The following SGCE variants were observed in gnomAD, a reference collection of about 807,000 sequenced individuals.
SGCE encodes sarcoglycan epsilon.
SGCE carries 26 observed loss-of-function variants against 57.8 expected under a neutral mutation model. The ratio of observed to expected loss-of-function variants is 0.45; its 90% CI spans 0.33 to 0.62. The LOEUF (loss-of-function observed/expected upper bound fraction) is 0.62, where lower values mean the gene tolerates loss of function less well. Among genes scored for constraint, SGCE ranks in the 20% least tolerant of loss-of-function variants. The probability of loss-of-function intolerance (pLI) is 0.02; values close to 1 mark genes in which losing one functional copy is unlikely to be tolerated. For missense variants in SGCE, 468 were observed against 548.6 expected (o/e 0.85, Z 1.47); for synonymous variants, 183 against 189.5 (o/e 0.97, Z 0.28).
chr7:94,600,523 A>C (rs1264364261), intron 7 of SGCE, 123 bp downstream of exon 7: 1 of 716,350 alleles, frequency 1.4e-6, no homozygotes, highest in East Asian at 2.7e-5. Flanking sequence ...TGCAGTTTGG[A>C]CACAATTTCA....
chr7:94,635,724 T>C (rs1281961045), intron 1 of SGCE, among the ~76,000 whole-genome samples: 2 of 152,234 alleles, frequency 1.3e-5, no homozygotes, highest in East Asian at 3.8e-4. Flanking sequence ...TAGAGAAATA[T>C]TTTAAGAGAG....
At chr7:94,607,841 T>G (rs772543176) in intron 5 of SGCE, among the ~76,000 whole-genome samples, 2 of 152,220 alleles carry the variant, frequency 1.3e-5, no homozygotes, top group Non-Finnish European at 2.9e-5. Context: ...AATACTGTCT[T>G]TCTTTGCAGA....
At chr7:94,655,701 G>A (rs1260371012) in intron 1 of SGCE, among the ~76,000 whole-genome samples, 1 of 151,910 alleles carries the variant, frequency 6.6e-6, no homozygotes, top group Non-Finnish European at 1.5e-5. Flanking sequence ...GCGGGGAGGG[G>A]GATGTTGGGA....
chr7:94,615,479 A>T (rs1801789613), intron 5 of SGCE, among the ~76,000 whole-genome samples: 1 of 152,154 alleles, frequency 6.6e-6, no homozygotes, highest in Admixed American at 6.5e-5. Context: ...CTCTACTGAA[A>T]TTGGCCCAGG....
intron 1 of SGCE, among the ~76,000 whole-genome samples, chr7:94,654,835 GTT>G (rs1236778437): frequency 1.3e-5 from 2 of 152,188 alleles, no homozygotes; most frequent in Non-Finnish European, 2.9e-5. Flanking sequence ...TTTCATCTGT[GTT>G]TCAGAAACCT....
intron 9 of SGCE, chr7:94,598,441 T>C (rs1402026754): frequency 3.8e-6 from 1 of 260,262 alleles, no homozygotes; most frequent in Non-Finnish European, 7.5e-6. Flanking sequence ...CTAAAAATAA[T>C]CAATTTGAAA....
chr7:94,648,835 T>C (rs80010540), intron 1 of SGCE, among the ~76,000 whole-genome samples: 1,809 of 152,358 alleles, frequency 0.012, 35 homozygotes, highest in African/African-American at 0.041. Context: ...CTTCCATGCA[T>C]ACTGCTGAAG....
chr7:94,655,821 C>A (rs937746003), intron 1 of SGCE, among the ~76,000 whole-genome samples, 169 bp downstream of exon 1: 2 of 148,602 alleles, frequency 1.3e-5, no homozygotes, highest in South Asian at 4.2e-4. Flanking sequence ...GAAGCTGGGC[C>A]GGGGAAATGG....
At position 94,585,263 on chromosome 7, in the gene SGCE, T is replaced by G. The variant is rs1336597394; in HGVS notation, c.*236A>C. The G allele has an allele frequency of 8.7e-6, 4 of 458,572 alleles. No homozygotes were observed. Among genetic ancestry groups the G allele is most frequent in the Non-Finnish European group, 1.6e-5 (4 of 257,400 alleles). 28.4% of individuals were successfully genotyped at this position (458,572 alleles called of 1,614,324 possible). Reference sequence around the variant, plus strand: ...TAATATTTATTTTAAAGATCAACTTTTATTGTAACAAATATAAAGTCATCA... The same window carrying G: ...TAATATTTATTTTAAAGATCAACTTGTATTGTAACAAATATAAAGTCATCA... On this transcript the variant is annotated 3_prime_UTR_variant, in exon 11 of 11. Transcript: ENST00000648936.
At chr7:94,601,622 A>T (rs1163229031) in intron 6 of SGCE, among the ~76,000 whole-genome samples, 2 of 152,078 alleles carry the variant, frequency 1.3e-5, no homozygotes, top group Admixed American at 1.3e-4. Context: ...ACTAAAATAA[A>T]ATGCTGGGGA....
At position 94,599,738 on chromosome 7, in the gene SGCE, A is replaced by G. The variant is rs1245116228; in HGVS notation, c.1038-15T>C. ...TTCTCTTTTCCCTAGAAACAAAACA[A>G]AATTTATGAATTAAATAATAGCATT... is the stretch of plus-strand genomic sequence containing the variant. On this transcript the variant is annotated splice_polypyrimidine_tract_variant and intron_variant, in intron 7 of 10. Transcript: ENST00000648936. 9 of 1,538,046 alleles carry G rather than the reference A, an allele frequency of 5.9e-6. No homozygotes were observed. In the East Asian group the frequency reaches 2.0e-4, roughly 35 times the overall value.
chr7:94,609,554 C>T lies in SGCE; in HGVS notation c.663-6102G>A, dbSNP rs545865817. Among the ~76,000 whole-genome samples, 121 of 152,244 alleles carry T rather than the reference C, an allele frequency of 7.9e-4. 2 individuals carry two copies. The Middle Eastern group carries it at 0.01, about 13-fold the overall frequency. ...CTAAAAAACAACAACAACAAAAAGC[C>T]AGAGACCTTAACAGACACCTCACCA... is the stretch of plus-strand genomic sequence containing the variant. On this transcript the variant is annotated intron_variant, in intron 5 of 10. Coordinates refer to ENST00000648936, the MANE Select transcript of SGCE (RefSeq NM_003919.3).
chr7:94,609,545 A>T (rs545372570), intron 5 of SGCE, among the ~76,000 whole-genome samples: 1 of 152,312 alleles, frequency 6.6e-6, no homozygotes, highest in East Asian at 1.9e-4. Flanking sequence ...AACAACAACA[A>T]CAAAAAGCCA....
rs1803121664 is a variant in SGCE, at chr7:94,623,308, CAT to C, written c.463+15_463+16del. On this transcript the variant is annotated intron_variant, in intron 4 of 10. Transcript: ENST00000648936. ...CTTCTTATAAATAAGAAATGATCAA[CAT>C]ATTTTCATACCTACCTTCTGCAGAC... is the stretch of plus-strand genomic sequence containing the variant. 2.1e-6 allele frequency: 3 copies of C among 1,455,078 alleles called. No individual in the cohort carries two copies. Among genetic ancestry groups the C allele is most frequent in the African/African-American group, 1.4e-5 (1 of 71,224 alleles). The allele number at this position is 1,455,078 out of a possible 1,614,324, so 90.1% of individuals were successfully genotyped here. A position where few individuals can be genotyped will look rare whatever the true frequency, so the allele number is the denominator to read the frequency against.
chr7:94,620,536 A>G (rs1164230555), intron 4 of SGCE: 1 of 152,228 alleles, frequency 6.6e-6, no homozygotes, highest in Non-Finnish European at 1.5e-5. Flanking sequence ...ATAGTCATGC[A>G]GAAATGTGTT....
At chr7:94,628,582 A>C (rs1804142840) in intron 2 of SGCE, 1 of 522,926 alleles carries the variant, frequency 1.9e-6, no homozygotes, top group Non-Finnish European at 3.4e-6. Context: ...CAAAGAAAGC[A>C]GATTCATACA....
chr7:94,613,133 A>G (rs1801315037), intron 5 of SGCE, among the ~76,000 whole-genome samples: 1 of 152,238 alleles, frequency 6.6e-6, no homozygotes, highest in South Asian at 2.1e-4. Context: ...CAAACGGAAC[A>G]CAGATGTCAT....
At chr7:94,603,217 C>T in intron 6 of SGCE, 73 bp downstream of exon 6, 2 of 1,178,696 alleles carry the variant, frequency 1.7e-6, no homozygotes, top group East Asian at 4.8e-5. Context: ...AAAAGCAGTT[C>T]AGGTTTTAGT....
intron 9 of SGCE, among the ~76,000 whole-genome samples, chr7:94,592,982 G>T (rs1332988073): frequency 6.6e-6 from 1 of 152,034 alleles, no homozygotes; most frequent in African/African-American, 2.4e-5. Flanking sequence ...ATTCTTGGCT[G>T]CCTGATACTT....
Sources: gnomAD v4.1 joint callset for allele counts (sites outside exome capture counted in the v4.1 genomes callset) on GRCh38, gnomAD v4.1.1 for gene constraint, MANE v1.5 for transcripts, NCBI Gene and HGNC (gene_info 2026-07-23, HGNC 2026-07-21) for gene names.